XKR9: variants seen among roughly 807,000 people sequenced by gnomAD.
XKR9 encodes the protein XK related 9.
XKR9 carries 32 observed loss-of-function variants against 32.0 expected under a neutral mutation model. That is an observed-to-expected ratio of 1.00 (90% CI 0.76 to 1.34). XKR9 has a LOEUF of 1.34. Ranked by LOEUF, XKR9 falls within the 40% of genes most tolerant of loss-of-function variation. The pLI is 0.00. For synonymous variants in XKR9, 168 were observed against 143.4 expected (o/e 1.17, Z -1.22); for missense variants, 546 against 429.7 (o/e 1.27, Z -2.39).
chr8:70,976,254 A>G, the XKR9 span, among the ~76,000 whole-genome samples: 1 of 100,252 alleles, frequency 1.0e-5, no homozygotes, highest in Admixed American at 8.6e-5. Context: ...CAGAACTTTC[A>G]ACACTAGTTG....
At chr8:70,968,432 C>A in the XKR9 span, among the ~76,000 whole-genome samples, 997 of 152,312 alleles carry the variant, frequency 6.5e-3, 9 homozygotes, top group African/African-American at 0.023. Flanking sequence ...CTGAAGCCTA[C>A]TTCTGCCATT....
chr8:70,733,977 C>G lies in XKR9; in HGVS notation c.675C>G (p.Phe225Leu). 1 of 1,612,096 alleles carries G rather than the reference C, an allele frequency of 6.2e-7. No individual in the cohort carries two copies. Among genetic ancestry groups the G allele is most frequent in the Non-Finnish European group, 8.5e-7 (1 of 1,179,456 alleles). ...SWMLSVVLLL[F>L]LNVKIALFLL... ...TGCTGAGTGTTGTACTTCTACTATT[C>G]TTAAATGTTAAGATTGCTTTATTTC... The change falls in exon 5 of 5, where the codon TTC becomes TTG. Residue 225 changes from phenylalanine (F) to leucine (L), a missense_variant. Transcript: ENST00000408926.
the XKR9 span, among the ~76,000 whole-genome samples, chr8:70,843,637 G>T: frequency 1.3e-5 from 2 of 152,150 alleles, no homozygotes; most frequent in African/African-American, 2.4e-5. Flanking sequence ...TGGGAACCTG[G>T]GGAGGTTCCC....
chr8:70,748,849 C>CA (rs1209221408), intron 2 of XKR9, among the ~76,000 whole-genome samples: 1 of 142,308 alleles, frequency 7.0e-6, no homozygotes, highest in Non-Finnish European at 1.6e-5. Context: ...TCTGAGCCCA[C>CA]AAAAACCCCA....
chr8:70,744,379 C>T (rs992014216), intron 2 of XKR9, among the ~76,000 whole-genome samples: 6 of 152,142 alleles, frequency 3.9e-5, no homozygotes, highest in African/African-American at 1.2e-4. Context: ...ATTTAGTTCT[C>T]TCTCATCCCT....
At chr8:70,878,286 A>T in the XKR9 span, among the ~76,000 whole-genome samples, 1 of 152,200 alleles carries the variant, frequency 6.6e-6, no homozygotes. Context: ...TAATGAGAGG[A>T]TCAAAATCAC....
chr8:70,842,430 C>G, the XKR9 span, among the ~76,000 whole-genome samples: 1 of 152,122 alleles, frequency 6.6e-6, no homozygotes, highest in Non-Finnish European at 1.5e-5. Flanking sequence ...AATTTGGAAA[C>G]CAAGATCTGG....
the XKR9 span, among the ~76,000 whole-genome samples, chr8:70,943,054 A>AT: frequency 3.7e-5 from 5 of 134,362 alleles, no homozygotes; most frequent in Non-Finnish European, 8.9e-5. Flanking sequence ...TGAAAATTGT[A>AT]TTTTTATTAG....
intron 2 of XKR9, among the ~76,000 whole-genome samples, chr8:70,776,947 C>CTATATATATATATATATATATA: frequency 1.8e-5 from 1 of 54,206 alleles, no homozygotes; most frequent in African/African-American, 7.9e-5. Context: ...CTCTCTCTCT[C>CTATATATATATATATATATATA]TATATATATA....
At position 70,706,968 on chromosome 8, in the gene XKR9, C is replaced by T; in HGVS notation, c.308C>T (p.Ala103Val). 1 of 1,612,902 alleles carries T rather than the reference C, an allele frequency of 6.2e-7. No individual in the cohort carries two copies. Among genetic ancestry groups the T allele is most frequent in the Non-Finnish European group, 8.5e-7 (1 of 1,179,234 alleles). ...WFALKRGYHA[A>V]FKYDSNTSNF... The stretch of plus-strand genomic sequence containing the variant: ...GCCTTAAAAAGGGGTTACCATGCAG[C>T]TTTTAAATATGACAGCAATACTAGT... Residue 103 changes from alanine to valine, a missense_variant, in exon 4 of 5, where the codon GCT (alanine) becomes GTT (valine). Physicochemically the swap from Ala to Val is moderately conservative, Grantham distance 64 (BLOSUM62 0). Coordinates refer to ENST00000408926, the MANE Select transcript of XKR9 (RefSeq NM_001011720.2).
chr8:70,979,016 C>T, the XKR9 span, among the ~76,000 whole-genome samples: 1 of 152,148 alleles, frequency 6.6e-6, no homozygotes, highest in Non-Finnish European at 1.5e-5. Context: ...CTTTCTTCCA[C>T]TTGATCAAAT....
the XKR9 span, among the ~76,000 whole-genome samples, chr8:70,796,035 A>G: frequency 6.6e-6 from 1 of 151,098 alleles, no homozygotes; most frequent in Non-Finnish European, 1.5e-5. Flanking sequence ...TTTTCTTGTT[A>G]TAGGTCTATT....
intron 3 of XKR9, among the ~76,000 whole-genome samples, chr8:70,687,780 TTTTAA>T (rs1368419251): frequency 7.9e-5 from 12 of 152,344 alleles, no homozygotes; most frequent in African/African-American, 2.9e-4. Context: ...TAATGTTGAT[TTTTAA>T]TTTAATTCTT....
At chr8:70,979,793 C>T in the XKR9 span, among the ~76,000 whole-genome samples, 1 of 152,176 alleles carries the variant, frequency 6.6e-6, no homozygotes, top group Non-Finnish European at 1.5e-5. Flanking sequence ...GTCTTCAGAG[C>T]CGTCAGATAG....
chr8:70,823,327 G>A, the XKR9 span, among the ~76,000 whole-genome samples: 2 of 152,074 alleles, frequency 1.3e-5, no homozygotes, highest in African/African-American at 4.8e-5. Context: ...TATAGCTATG[G>A]CTCTGATCAC....
chr8:70,736,586 A>T (rs1365278279), downstream of XKR9, among the ~76,000 whole-genome samples: 10 of 152,024 alleles, frequency 6.6e-5, no homozygotes, highest in South Asian at 1.9e-3. Flanking sequence ...TCTTCTAGGG[A>T]TTTTATGGTT....
At position 70,680,856 on chromosome 8, in the gene XKR9, A is replaced by C. The variant is rs1433889969; in HGVS notation, c.-203A>C. On this transcript the variant is annotated 5_prime_UTR_variant, in exon 3 of 5. Coordinates refer to ENST00000408926, the MANE Select transcript of XKR9 (RefSeq NM_001011720.2). Reference sequence around the variant, plus strand: ...CCTTGTAACATTGGACCTAGATTAGAGATTTAGAAAAGAAAGTCAAAATTA... The same window carrying C: ...CCTTGTAACATTGGACCTAGATTAGCGATTTAGAAAAGAAAGTCAAAATTA... 4.6e-6 allele frequency: 2 copies of C among 438,252 alleles called. No homozygotes were observed. Among genetic ancestry groups the C allele is most frequent in the African/African-American group, 4.0e-5 (2 of 50,442 alleles). The allele number at this position is 438,252 out of a possible 1,614,324, so 27.1% of individuals were successfully genotyped here.
At chr8:70,945,308 T>C in the XKR9 span, among the ~76,000 whole-genome samples, 8 of 152,208 alleles carry the variant, frequency 5.3e-5, no homozygotes, top group African/African-American at 1.9e-4. Context: ...AGTCACCCTA[T>C]GCCTAAGCTT....
At chr8:70,729,089 C>T (rs569619029) in intron 4 of XKR9, among the ~76,000 whole-genome samples, 28 of 152,274 alleles carry the variant, frequency 1.8e-4, no homozygotes, top group Admixed American at 1.7e-3. Context: ...TATAAGTCAA[C>T]CTCGATTATT....
Sources: gnomAD v4.1 joint callset for allele counts (sites outside exome capture counted in the v4.1 genomes callset) on GRCh38, gnomAD v4.1.1 for gene constraint, MANE v1.5 for transcripts, NCBI Gene and HGNC (gene_info 2026-07-23, HGNC 2026-07-21) for gene names.